TNRC6B: variants seen among roughly 807,000 people sequenced by gnomAD.
The protein encoded by TNRC6B is trinucleotide repeat-containing gene 6B protein.
A neutral mutation model predicts 203.6 loss-of-function variants in TNRC6B; 52 were observed. The observed-to-expected ratio is 0.26, with a 90% CI of 0.20 to 0.32. TNRC6B has a LOEUF of 0.32. Ranked by LOEUF, TNRC6B falls within the 10% of genes least tolerant of loss-of-function variation. The probability of loss-of-function intolerance (pLI) is 1.00; values close to 1 mark genes in which losing one functional copy is unlikely to be tolerated. For synonymous variants in TNRC6B, 838 were observed against 845.7 expected, an observed-to-expected ratio of 0.99 and a Z score of 0.16; for missense variants, 1,923 against 2,286.2, an observed-to-expected ratio of 0.84 and a Z score of 3.24.
chr22:40,049,473 TTC>T (rs1480941667), intron 1 of TNRC6B, among the ~76,000 whole-genome samples: 1 of 152,210 alleles, frequency 6.6e-6, no homozygotes, highest in Non-Finnish European at 1.5e-5. Flanking sequence ...TGTTTTATTT[TTC>T]TCTTTTTCTA....
In TNRC6B at chr22:40,323,177, G is replaced by A; in HGVS notation, c.5438G>A (p.Arg1813Lys). Residue 1813 changes from arginine to lysine, a missense_variant, in exon 23 of 23, where the codon AGG (arginine) becomes AAG (lysine). This residue lies in a region of TNRC6B where 126 missense variants were observed against 137.5 expected (regional missense o/e 0.92). Transcript: ENST00000454349. Reference protein sequence around the residue: ...WGVPTVEDPHRMGSPAPLLPG... With the variant: ...WGVPTVEDPHKMGSPAPLLPG... ...GTCCCAACGGTGGAAGATCCCCATA[G>A]GATGGGCAGCCCTGCTCCTTTACTA... 1 of 1,613,784 alleles carries A rather than the reference G, an allele frequency of 6.2e-7. No homozygotes were observed. Among genetic ancestry groups the A allele is most frequent in the Non-Finnish European group, 8.5e-7 (1 of 1,179,874 alleles).
intron 2 of TNRC6B, among the ~76,000 whole-genome samples, chr22:40,125,281 C>G (rs776710227): frequency 6.6e-6 from 1 of 152,136 alleles, no homozygotes; most frequent in Non-Finnish European, 1.5e-5. Context: ...TTATAGTGTA[C>G]TTTAATTTCA....
intron 4 of TNRC6B, among the ~76,000 whole-genome samples, chr22:40,158,442 C>T (rs1407372180): frequency 1.3e-5 from 2 of 151,994 alleles, no homozygotes; most frequent in African/African-American, 2.4e-5. Context: ...TTTAAAAAAA[C>T]AGGTGGAAGT....
intron 12 of TNRC6B, among the ~76,000 whole-genome samples, chr22:40,286,783 T>A (rs2070789406): frequency 6.6e-6 from 1 of 152,208 alleles, no homozygotes; most frequent in East Asian, 1.9e-4. Flanking sequence ...TGTGTTAGTC[T>A]ACCACATACT....
intron 3 of TNRC6B, among the ~76,000 whole-genome samples, chr22:40,148,325 C>T (rs1210535650): frequency 6.8e-6 from 1 of 146,860 alleles, no homozygotes; most frequent in Non-Finnish European, 1.5e-5. Flanking sequence ...TGCTCTGTTG[C>T]CAGGCTGCAG....
rs1333569586 is a variant in TNRC6B, at chr22:40,170,390, T to TTA, written c.113+14218_113+14219dup. 3.2e-5 allele frequency among the ~76,000 whole-genome samples: 2 copies of TTA among 62,606 alleles called. 1 individual carries two copies. Among genetic ancestry groups the TTA allele is most frequent in the South Asian group, 9.7e-4 (2 of 2,058 alleles). The allele number at this position is 62,606 out of a possible 152,430, so 41.1% of individuals were successfully genotyped here. On this transcript the variant is annotated intron_variant, in intron 4 of 23. Coordinates refer to the TNRC6B transcript ENST00000301923. ...TTTATATATATATTATATATATAGT[T>TTA]TATATATATATTATATATATAGTTT...
chr22:40,166,903 A>AG (rs1276723138), intron 4 of TNRC6B, among the ~76,000 whole-genome samples: 1 of 151,764 alleles, frequency 6.6e-6, no homozygotes, highest in Non-Finnish European at 1.5e-5. Flanking sequence ...TCAAAAAAAA[A>AG]AAAAAGAAAA....
At chr22:40,071,226 G>A (rs2067944365) in intron 1 of TNRC6B, among the ~76,000 whole-genome samples, 1 of 152,088 alleles carries the variant, frequency 6.6e-6, no homozygotes, top group Admixed American at 6.6e-5. Flanking sequence ...ACCTTAGGCA[G>A]TTGCCACTGT....
At chr22:40,106,956 A>T in intron 1 of TNRC6B, 9 of 1,180,626 alleles carry the variant, frequency 7.6e-6, no homozygotes, top group Admixed American at 1.7e-5. Context: ...TTTTGGGCAA[A>T]CTTCTTTCTC....
chr22:40,221,762 T>C (rs75298391), intron 1 of TNRC6B, among the ~76,000 whole-genome samples: 11,544 of 46,538 alleles, frequency 0.25, 671 homozygotes, highest in Middle Eastern at 0.43. Context: ...CCCCCCCCCC[T>C]TTTTTTTTTT....
intron 1 of TNRC6B, among the ~76,000 whole-genome samples, chr22:40,107,528 G>GA (rs2068296538): frequency 6.6e-6 from 1 of 152,070 alleles, no homozygotes; most frequent in Non-Finnish European, 1.5e-5. Context: ...AAAAAAGACT[G>GA]AAAAACTATA....
chr22:40,230,350 C>T (rs1288722835), intron 1 of TNRC6B, among the ~76,000 whole-genome samples: 2 of 147,550 alleles, frequency 1.4e-5, no homozygotes, highest in East Asian at 4.0e-4. Context: ...AGTGCAGTGG[C>T]ACCATCTTGG....
In TNRC6B at chr22:40,312,475, C is replaced by T. The variant is rs778372472; in HGVS notation, c.4436-30C>T. 19 of 1,589,010 alleles carry T rather than the reference C, an allele frequency of 1.2e-5. 1 individual carries two copies. The Admixed American group carries it at 1.3e-4, about 11-fold the overall frequency. On this transcript the variant is annotated intron_variant, in intron 17 of 22. Coordinates refer to ENST00000454349, the MANE Select transcript of TNRC6B (RefSeq NM_001162501.2). ...ATATCATTTTTTTTTAACGACCTTC[C>T]TTCTCTAATATTTGTTTTCCTTGTC...
chr22:40,279,996 A>C lies in TNRC6B; in HGVS notation c.3264A>C (p.Gly1088=). 2 of 1,613,860 alleles carry C rather than the reference A, an allele frequency of 1.2e-6. No individual in the cohort carries two copies. Residue 1088 remains glycine (G), a splice_region_variant and synonymous_variant, in exon 10 of 23, where the codon GGA becomes GGC. Coordinates refer to ENST00000454349, the MANE Select transcript of TNRC6B (RefSeq NM_001162501.2). ...NPSSKMDLSV[G]SLSDKKFDVD... ...CACTCTGTGTATGCTACTTTTCAGG[A>C]AGCCTTTCAGATAAAAAATTTGATG...
Position 40,332,383 on chromosome 22 carries a change from T to C in TNRC6B, c.*9142T>C, listed in dbSNP as rs960043578. On this transcript the variant is annotated 3_prime_UTR_variant, in exon 23 of 23. Transcript: ENST00000454349. ...CTGCGAGGTGTTTTGACAGGGGAGG[T>C]CTGCATGCAGCCTCTTCTTTGTCCT... 2 of 152,476 alleles carry C rather than the reference T, an allele frequency of 1.3e-5. No homozygotes were observed. The highest frequency in any genetic ancestry group is 4.8e-5 in the African/African-American group (2 of 41,390). 9.4% of individuals were successfully genotyped at this position (152,476 alleles called of 1,614,324 possible).
At chr22:40,184,675 C>A (rs755016299) in intron 1 of TNRC6B, among the ~76,000 whole-genome samples, 1 of 152,154 alleles carries the variant, frequency 6.6e-6, no homozygotes, top group African/African-American at 2.4e-5. Context: ...GTGGCCTGAA[C>A]TGACAACAGA....
intron 1 of TNRC6B, among the ~76,000 whole-genome samples, chr22:40,051,105 G>A (rs1006017814): frequency 6.6e-5 from 10 of 152,160 alleles, no homozygotes; most frequent in Admixed American, 6.5e-4. Context: ...TTACAGGCGT[G>A]AGCCACCGCA....
chr22:40,256,351 GT>G (rs2146485542), intron 3 of TNRC6B, among the ~76,000 whole-genome samples: 1 of 151,980 alleles, frequency 6.6e-6, no homozygotes, highest in South Asian at 2.1e-4. Context: ...ATTTTGTTTT[GT>G]TTTGTTTTGT....
At chr22:40,282,540 C>T (rs1442073781) in intron 11 of TNRC6B, among the ~76,000 whole-genome samples, 2 of 152,142 alleles carry the variant, frequency 1.3e-5, no homozygotes, top group Non-Finnish European at 2.9e-5. Flanking sequence ...GCATAACATT[C>T]ACAGTTAATG....
Sources: gnomAD v4.1 joint callset for allele counts (sites outside exome capture counted in the v4.1 genomes callset) on GRCh38, gnomAD v4.1.1 for gene constraint, gnomAD v4.1.1 regional missense constraint, MANE v1.5 for transcripts, NCBI Gene and HGNC (gene_info 2026-07-23, HGNC 2026-07-21) for gene names.